IGSF10: variants seen among roughly 807,000 people sequenced by gnomAD.
The protein encoded by IGSF10 is calvaria mechanical force protein 608.
In IGSF10, 126 loss-of-function variants were observed where a neutral mutation model predicts 128.2. That is an observed-to-expected ratio of 0.98 (90% CI 0.85 to 1.14). The LOEUF (loss-of-function observed/expected upper bound fraction) is 1.14. Among genes scored for constraint, IGSF10 ranks in the 50% most tolerant of loss-of-function variants. The probability of loss-of-function intolerance (pLI) is 0.00; values close to 1 mark genes in which losing one functional copy is unlikely to be tolerated. For missense variants in IGSF10, 3,295 were observed against 3,149.8 expected (o/e 1.05, Z -1.10); for synonymous variants, 1,185 against 1,146.2 (o/e 1.03, Z -0.68).
chr3:151,543,095 A>G, the IGSF10 span, among the ~76,000 whole-genome samples: 4 of 152,192 alleles, frequency 2.6e-5, no homozygotes, highest in South Asian at 8.3e-4. Context: ...TTTTGGTTTA[A>G]TTAAGGCTAA....
the IGSF10 span, among the ~76,000 whole-genome samples, chr3:151,559,913 C>T: frequency 6.6e-6 from 1 of 151,978 alleles, no homozygotes; most frequent in Non-Finnish European, 1.5e-5. Flanking sequence ...TATGGGATTC[C>T]CCAGTTGGTC....
the IGSF10 span, among the ~76,000 whole-genome samples, chr3:151,601,774 G>C: frequency 6.6e-6 from 1 of 152,308 alleles, no homozygotes; most frequent in South Asian, 2.1e-4. Flanking sequence ...GACACCCCAG[G>C]AACATGAGGG....
Position 151,449,072 on chromosome 3 carries a change from G to A in IGSF10, c.909C>T (p.Phe303=), listed in dbSNP as rs764261425. 1.2e-6 allele frequency: 2 copies of A among 1,614,074 alleles called. No homozygotes were observed. The highest frequency in any genetic ancestry group is 1.7e-6 in the Non-Finnish European group (2 of 1,180,040). Residue 303 remains phenylalanine, a synonymous_variant, in exon 6 of 8, where the codon TTC becomes TTT. Coordinates refer to ENST00000282466, the MANE Select transcript of IGSF10 (RefSeq NM_178822.5). The stretch of plus-strand genomic sequence containing the variant: ...GTGCCATGAAACCTTGGGGAGAGAT[G>A]AAAGCAGAACTACTGTCTTCCAGAA... ...LTILEDSSSA[F]ISPQGFMAPF... is the part of the protein sequence containing the mutation.
chr3:151,526,906 C>T, the IGSF10 span, among the ~76,000 whole-genome samples: 1 of 152,178 alleles, frequency 6.6e-6, no homozygotes, highest in African/African-American at 2.4e-5. Context: ...GCACTGTGGC[C>T]ACCAGCTTGA....
At chr3:151,474,899 C>A in the IGSF10 span, among the ~76,000 whole-genome samples, 1 of 152,172 alleles carries the variant, frequency 6.6e-6, no homozygotes, top group East Asian at 1.9e-4. Flanking sequence ...ATCATGAGAA[C>A]AACATGGGAA....
the IGSF10 span, among the ~76,000 whole-genome samples, chr3:151,578,891 C>CA: frequency 6.6e-6 from 1 of 152,116 alleles, no homozygotes; most frequent in Admixed American, 6.5e-5. Context: ...CTGTGAGACA[C>CA]AAAAAGACAG....
At chr3:151,551,079 A>T in the IGSF10 span, among the ~76,000 whole-genome samples, 1 of 152,144 alleles carries the variant, frequency 6.6e-6, no homozygotes, top group Admixed American at 6.5e-5. Flanking sequence ...TGTGTCTACA[A>T]GGTTTGACCT....
chr3:151,460,825 T>C, intron 1 of IGSF10, 121 bp downstream of exon 1: 6 of 238,130 alleles, frequency 2.5e-5, no homozygotes, highest in Non-Finnish European at 3.9e-5. Flanking sequence ...TCCCCCACCC[T>C]CAGCCCTCCC....
the IGSF10 span, among the ~76,000 whole-genome samples, chr3:151,555,551 C>G: frequency 6.6e-6 from 1 of 152,096 alleles, no homozygotes; most frequent in African/African-American, 2.4e-5. Context: ...ACCTCTGAGC[C>G]TACAAAAGTC....
At chr3:151,598,050 T>C in the IGSF10 span, among the ~76,000 whole-genome samples, 1 of 150,768 alleles carries the variant, frequency 6.6e-6, no homozygotes, top group African/African-American at 2.5e-5. Flanking sequence ...ACAGAAATGT[T>C]ACCTGCACAA....
chr3:151,617,671 A>C, the IGSF10 span, among the ~76,000 whole-genome samples: 1 of 152,084 alleles, frequency 6.6e-6, no homozygotes, highest in Non-Finnish European at 1.5e-5. Flanking sequence ...GTATGGGAGA[A>C]GAATATGAGT....
At chr3:151,507,293 G>A in the IGSF10 span, among the ~76,000 whole-genome samples, 3 of 152,104 alleles carry the variant, frequency 2.0e-5, no homozygotes, top group African/African-American at 7.2e-5. Context: ...TGGGAGCCAC[G>A]TGGCTACTTG....
At chr3:151,575,479 G>A in the IGSF10 span, among the ~76,000 whole-genome samples, 2 of 152,182 alleles carry the variant, frequency 1.3e-5, no homozygotes, top group East Asian at 3.9e-4. Context: ...TTCGATCTGG[G>A]ACTGCTGCAC....
the IGSF10 span, among the ~76,000 whole-genome samples, chr3:151,595,183 G>A: frequency 4.6e-5 from 7 of 151,978 alleles, 1 homozygote; most frequent in African/African-American, 1.7e-4. Flanking sequence ...AAATTAGTAC[G>A]GACATTATGG....
chr3:151,461,504 A>G (rs1038814241), upstream of IGSF10: 3 of 803,808 alleles, frequency 3.7e-6, no homozygotes, highest in African/African-American at 1.9e-5. Flanking sequence ...AAGGTATACA[A>G]CATGTTATGG....
At position 151,445,265 on chromosome 3, in the gene IGSF10, T is replaced by C. The variant is rs200032343; in HGVS notation, c.4716A>G (p.Glu1572=). ...NSKLTPSPWA[E]NQFWHKPYSE... is the part of the protein sequence containing the mutation. ...AGTATGGTTTGTGCCAAAATTGGTT[T>C]TCTGCCCAGGGAGATGGAGTTAATT... Residue 1572 remains glutamate, a synonymous_variant, in exon 6 of 8, where the codon GAA becomes GAG. Transcript: ENST00000282466. The C allele has an allele frequency of 6.2e-7, 1 of 1,614,242 alleles. No homozygotes were observed. The highest frequency in any genetic ancestry group is 2.2e-5 in the East Asian group (1 of 44,884).
At chr3:151,459,248 A>C (rs2108579849) in intron 2 of IGSF10, among the ~76,000 whole-genome samples, 1 of 152,310 alleles carries the variant, frequency 6.6e-6, no homozygotes, top group East Asian at 1.9e-4. Context: ...TATTGTGTGT[A>C]TATGTATAGG....
Position 151,447,228 on chromosome 3 carries a change from C to T in IGSF10, c.2753G>A (p.Ser918Asn), listed in dbSNP as rs756613778. 8.1e-6 allele frequency: 13 copies of T among 1,614,090 alleles called. No individual in the cohort carries two copies. Among genetic ancestry groups the T allele is most frequent in the Admixed American group, 1.7e-5 (1 of 60,006 alleles). The part of the protein sequence containing the change: ...QMGRGREHFQ[S>N]RPPITVRTMI... ...AGTCCTTACTGTTATTGGGGGTCTA[C>T]TTTGGAAATGCTCTCTTCCTCTTCC... Residue 918 changes from serine to asparagine, a missense_variant, in exon 6 of 8, where the codon AGT becomes AAT. Coordinates refer to ENST00000282466, the MANE Select transcript of IGSF10 (RefSeq NM_178822.5).
chr3:151,496,960 G>A, the IGSF10 span, among the ~76,000 whole-genome samples: 4 of 152,106 alleles, frequency 2.6e-5, no homozygotes, highest in Admixed American at 6.5e-5. Flanking sequence ...TGTGTCTGTT[G>A]GCTGCATAAA....
Sources: allele counts gnomAD v4.1 joint callset (sites outside exome capture counted in the v4.1 genomes callset), GRCh38; gene constraint gnomAD v4.1.1; transcripts MANE v1.5; gene names NCBI Gene and HGNC (gene_info 2026-07-23, HGNC 2026-07-21).